ZRANB3: variants seen among roughly 807,000 people sequenced by gnomAD.
The protein encoded by ZRANB3 is DNA annealing helicase and endonuclease ZRANB3.
ZRANB3 carries 125 observed loss-of-function variants against 133.8 expected under a neutral mutation model. That is an observed-to-expected ratio of 0.93 (90% CI 0.81 to 1.08). The LOEUF is 1.08. Among genes scored for constraint, ZRANB3 ranks in the 50% least tolerant of loss-of-function variants. The probability of loss-of-function intolerance (pLI) is 0.00; values close to 1 mark genes in which losing one functional copy is unlikely to be tolerated. For synonymous variants in ZRANB3, 387 were observed against 432.7 expected (o/e 0.89, Z 1.31); for missense variants, 1,229 against 1,275.5 (o/e 0.96, Z 0.56).
chr2:135,375,176 T>C (rs187455672), intron 3 of ZRANB3, among the ~76,000 whole-genome samples: 231 of 152,308 alleles, frequency 1.5e-3, no homozygotes, highest in African/African-American at 5.3e-3. Flanking sequence ...CCGGGTGCAG[T>C]GGCTCACGCT....
intron 6 of ZRANB3, among the ~76,000 whole-genome samples, chr2:135,333,067 T>A (rs1684222564): frequency 6.6e-6 from 1 of 152,170 alleles, no homozygotes; most frequent in Non-Finnish European, 1.5e-5. Flanking sequence ...CTGGTTCCAT[T>A]ACAAATCTGC....
intron 2 of ZRANB3, among the ~76,000 whole-genome samples, chr2:135,491,071 T>C (rs555531383): frequency 2.6e-5 from 4 of 152,248 alleles, no homozygotes; most frequent in African/African-American, 9.6e-5. Context: ...TAACGTTTGG[T>C]AGATCAGTAG....
chr2:135,390,940 A>C, intron 2 of ZRANB3, 120 bp from the exon 3 acceptor site: 2 of 1,021,944 alleles, frequency 2.0e-6, no homozygotes, highest in Non-Finnish European at 2.7e-6. Flanking sequence ...AGCTCACTGC[A>C]ACCTCTGTCT....
chr2:135,201,574 AAC>A (rs1693626818), intron 20 of ZRANB3, among the ~76,000 whole-genome samples: 1 of 151,708 alleles, frequency 6.6e-6, no homozygotes, highest in Admixed American at 6.6e-5. Flanking sequence ...AATCAGCTTG[AAC>A]CCGGGAGGCA....
At chr2:135,430,626 TAG>T (rs1689280928) in intron 2 of ZRANB3, among the ~76,000 whole-genome samples, 1 of 152,120 alleles carries the variant, frequency 6.6e-6, no homozygotes, top group African/African-American at 2.4e-5. Context: ...CAGCTCTAAG[TAG>T]AGTTTTCTCA....
intron 3 of ZRANB3, among the ~76,000 whole-genome samples, chr2:135,384,139 C>G (rs1686853406): frequency 6.6e-6 from 1 of 151,976 alleles, no homozygotes; most frequent in South Asian, 2.1e-4. Context: ...CAAATAGATG[C>G]AATAAAAAAT....
At chr2:135,336,925 GAAA>G (rs891641301) in intron 6 of ZRANB3, among the ~76,000 whole-genome samples, 2 of 149,514 alleles carry the variant, frequency 1.3e-5, no homozygotes, top group Non-Finnish European at 3.0e-5. Context: ...CTAGCATCAT[GAAA>G]AAAAAAGACC....
intron 3 of ZRANB3, among the ~76,000 whole-genome samples, chr2:135,372,778 C>T (rs887219943): frequency 2.1e-5 from 3 of 141,554 alleles, no homozygotes; most frequent in Non-Finnish European, 4.5e-5. Flanking sequence ...CAGAGCGAGA[C>T]TCCATCTCAA....
intron 3 of ZRANB3, among the ~76,000 whole-genome samples, chr2:135,379,528 A>C (rs898858455): frequency 1.3e-5 from 2 of 152,052 alleles, no homozygotes; most frequent in African/African-American, 4.8e-5. Flanking sequence ...TGGGCAATTT[A>C]ATTAACCCAG....
At chr2:135,435,841 T>C (rs1335498044) in intron 2 of ZRANB3, among the ~76,000 whole-genome samples, 2 of 152,084 alleles carry the variant, frequency 1.3e-5, no homozygotes, top group Admixed American at 1.3e-4. Flanking sequence ...GGGTTATTTT[T>C]CTCTTGTGAA....
intron 3 of ZRANB3, among the ~76,000 whole-genome samples, chr2:135,390,400 A>G (rs115777326): frequency 1.6e-3 from 243 of 152,310 alleles, no homozygotes; most frequent in African/African-American, 5.6e-3. Context: ...ATAATAAAAT[A>G]CCATTTCAGA....
intron 14 of ZRANB3, 62 bp downstream of exon 14, chr2:135,227,750 C>T: frequency 3.4e-6 from 5 of 1,473,818 alleles, no homozygotes; most frequent in Non-Finnish European, 4.6e-6. Context: ...AATCTAATAA[C>T]AGTATTATGT....
At chr2:135,251,957 C>G (rs915725670) in intron 12 of ZRANB3, among the ~76,000 whole-genome samples, 1 of 152,178 alleles carries the variant, frequency 6.6e-6, no homozygotes, top group Non-Finnish European at 1.5e-5. Flanking sequence ...ATTGCTTGAA[C>G]CCAGGAGGCG....
intron 2 of ZRANB3, among the ~76,000 whole-genome samples, chr2:135,491,074 A>G (rs1692350061): frequency 6.6e-6 from 1 of 152,188 alleles, no homozygotes; most frequent in African/African-American, 2.4e-5. Context: ...CGTTTGGTAG[A>G]TCAGTAGGGT....
intron 2 of ZRANB3, among the ~76,000 whole-genome samples, chr2:135,485,837 T>C (rs1448394792): frequency 1.3e-5 from 2 of 152,228 alleles, no homozygotes; most frequent in Non-Finnish European, 2.9e-5. Flanking sequence ...GTAATGAACA[T>C]GTGATCGTTT....
intron 6 of ZRANB3, among the ~76,000 whole-genome samples, chr2:135,336,307 A>C (rs1209361640): frequency 6.6e-6 from 1 of 152,220 alleles, no homozygotes; most frequent in African/African-American, 2.4e-5. Flanking sequence ...TTTTTGCTGA[A>C]GCTTCACTTA....
At chr2:135,382,441 T>A (rs550035884) in intron 3 of ZRANB3, among the ~76,000 whole-genome samples, 3 of 152,136 alleles carry the variant, frequency 2.0e-5, no homozygotes, top group Non-Finnish European at 4.4e-5. Context: ...CCAGGAGAAC[T>A]TCCCCCATCT....
intron 4 of ZRANB3, among the ~76,000 whole-genome samples, chr2:135,352,766 C>T (rs1207157410): frequency 6.6e-6 from 1 of 152,158 alleles, no homozygotes; most frequent in East Asian, 1.9e-4. Context: ...TACTGTACTG[C>T]TTTTTATTTA....
At chr2:135,316,792 C>T (rs1573898136) in intron 6 of ZRANB3, among the ~76,000 whole-genome samples, 3 of 151,706 alleles carry the variant, frequency 2.0e-5, no homozygotes, top group African/African-American at 2.4e-5. Context: ...ATAGTGAGAC[C>T]CTGTCTCTGC....
Sources: gnomAD v4.1 joint callset for allele counts (sites outside exome capture counted in the v4.1 genomes callset) on GRCh38, gnomAD v4.1.1 for gene constraint, MANE v1.5 for transcripts, NCBI Gene and HGNC (gene_info 2026-07-23, HGNC 2026-07-21) for gene names.